The following ATP10B variants were observed in gnomAD, a reference collection of about 807,000 sequenced individuals.
ATP10B encodes phospholipid-transporting ATPase VB.
A neutral mutation model predicts 141.2 loss-of-function variants in ATP10B; 122 were observed. The observed-to-expected ratio is 0.86, with a 90% confidence interval of 0.75 to 1.00. ATP10B has a LOEUF of 1.00. Among genes scored for constraint, ATP10B ranks in the 50% least tolerant of loss-of-function variants. The pLI is 0.00. For synonymous variants in ATP10B, 685 were observed against 692.0 expected, an observed-to-expected ratio of 0.99 and a Z score of 0.16; for missense variants, 1,876 against 1,825.3, an observed-to-expected ratio of 1.03 and a Z score of -0.51.
the ATP10B span, among the ~76,000 whole-genome samples, chr5:160,905,996 C>T: frequency 6.6e-6 from 1 of 152,114 alleles, no homozygotes; most frequent in Non-Finnish European, 1.5e-5. Context: ...CCTGCCAATG[C>T]CCTTTTTCCA....
intron 2 of ATP10B, among the ~76,000 whole-genome samples, chr5:160,761,045 C>T (rs1768992820): frequency 6.6e-6 from 1 of 152,166 alleles, no homozygotes; most frequent in African/African-American, 2.4e-5. Flanking sequence ...ATTATATCCC[C>T]CTTCTACTAC....
At chr5:160,872,849 T>C in the ATP10B span, among the ~76,000 whole-genome samples, 4 of 152,218 alleles carry the variant, frequency 2.6e-5, no homozygotes, top group Non-Finnish European at 5.9e-5. Context: ...TTGCTTTGAC[T>C]ATGCGGTCTT....
chr5:160,850,085 A>T (rs1199803128), intron 1 of ATP10B, among the ~76,000 whole-genome samples: 4 of 152,090 alleles, frequency 2.6e-5, no homozygotes, highest in Non-Finnish European at 4.4e-5. Context: ...CTGACATGGC[A>T]GAAGCTGTTT....
At chr5:160,669,398 A>C (rs1391347153) in intron 7 of ATP10B, among the ~76,000 whole-genome samples, 2 of 152,164 alleles carry the variant, frequency 1.3e-5, no homozygotes, top group African/African-American at 4.8e-5. Flanking sequence ...AGAGGACGGT[A>C]ACTTGCCCAA....
chr5:160,733,983 C>T (rs1766932596), intron 2 of ATP10B, among the ~76,000 whole-genome samples: 1 of 150,806 alleles, frequency 6.6e-6, no homozygotes, highest in South Asian at 2.1e-4. Context: ...TGGTGCATGC[C>T]TGTAGTCCCA....
Position 160,785,555 on chromosome 5 carries a change from G to C in ATP10B, c.-331+4C>G. 1 of 665,412 alleles carries C rather than the reference G, an allele frequency of 1.5e-6. No homozygotes were observed. Among genetic ancestry groups the C allele is most frequent in the Non-Finnish European group, 2.4e-6 (1 of 419,010 alleles). The allele number at this position is 665,412 out of a possible 1,614,324, so 41.2% of individuals were successfully genotyped here. A position where few individuals can be genotyped will look rare whatever the true frequency, so the allele number is the denominator to read the frequency against. The stretch of plus-strand genomic sequence containing the variant: ...CCCCACTGCCCAAGAAGTAAAGATA[G>C]TACCTGATAGGTAGATTTCAAGTCT... On this transcript the variant is annotated splice_donor_region_variant and intron_variant, in intron 2 of 25. Coordinates refer to ENST00000327245, the MANE Select transcript of ATP10B (RefSeq NM_025153.3).
At chr5:160,761,357 T>C (rs911140066) in intron 2 of ATP10B, among the ~76,000 whole-genome samples, 8 of 152,154 alleles carry the variant, frequency 5.3e-5, no homozygotes, top group Admixed American at 6.5e-5. Context: ...GACCTGAAGA[T>C]GGATCACATC....
At chr5:160,809,621 A>G (rs143312204) in intron 1 of ATP10B, among the ~76,000 whole-genome samples, 27 of 152,334 alleles carry the variant, frequency 1.8e-4, no homozygotes, top group African/African-American at 6.5e-4. Flanking sequence ...ACGGTGCTAT[A>G]GAATATTGAA....
At chr5:160,867,556 A>G in the ATP10B span, among the ~76,000 whole-genome samples, 1 of 152,132 alleles carries the variant, frequency 6.6e-6, no homozygotes, top group African/African-American at 2.4e-5. Context: ...AAATTGTACA[A>G]ATCTAATGAT....
In ATP10B at chr5:160,588,654, A is replaced by G. The variant is rs75430845; in HGVS notation, c.3750+938T>C. Among the ~76,000 whole-genome samples, 684 of 152,296 alleles carry G rather than the reference A, an allele frequency of 4.5e-3. 5 individuals are homozygous for G. The highest frequency in any genetic ancestry group is 0.041 in the East Asian group (212 of 5,170). ...TCTTAAACTGCTTGGGGGCAAGTTA[A>G]ACCTTATTGCATCTGCCATATTTCT... On this transcript the variant is annotated intron_variant, in intron 24 of 25. Transcript: ENST00000327245.
chr5:160,806,883 A>G (rs904646584), intron 1 of ATP10B, among the ~76,000 whole-genome samples: 6 of 152,200 alleles, frequency 3.9e-5, no homozygotes, highest in Non-Finnish European at 8.8e-5. Flanking sequence ...GCAGATGTTT[A>G]TGGCAACAGA....
chr5:160,612,701 C>A, intron 18 of ATP10B, 40 bp downstream of exon 18: 2 of 1,543,596 alleles, frequency 1.3e-6, no homozygotes, highest in East Asian at 2.3e-5. Flanking sequence ...TTGCTCTACA[C>A]GTTGATATCT....
chr5:160,735,203 A>T (rs1352974766), intron 2 of ATP10B, among the ~76,000 whole-genome samples: 1 of 151,822 alleles, frequency 6.6e-6, no homozygotes, highest in Non-Finnish European at 1.5e-5. Context: ...TAATCAAAAA[A>T]CATACAGGGC....
At chr5:160,867,596 T>C in the ATP10B span, among the ~76,000 whole-genome samples, 1 of 152,130 alleles carries the variant, frequency 6.6e-6, no homozygotes, top group Non-Finnish European at 1.5e-5. Flanking sequence ...AAGATAAGCA[T>C]GTATCCATAT....
chr5:160,790,552 C>G (rs369093082), intron 1 of ATP10B, among the ~76,000 whole-genome samples: 9 of 152,082 alleles, frequency 5.9e-5, no homozygotes, highest in African/African-American at 2.2e-4. Flanking sequence ...CTGCTTTATT[C>G]CTGAGAATTA....
chr5:160,652,935 A>T (rs1760957289), intron 7 of ATP10B, among the ~76,000 whole-genome samples: 1 of 85,532 alleles, frequency 1.2e-5, no homozygotes, highest in Admixed American at 1.8e-4. Flanking sequence ...TATTATATAT[A>T]CATGTATATA....
chr5:160,849,784 C>A (rs577248482), intron 1 of ATP10B, among the ~76,000 whole-genome samples: 1 of 152,100 alleles, frequency 6.6e-6, no homozygotes, highest in East Asian at 1.9e-4. Context: ...ATTCTGACTA[C>A]CCAACTTCAT....
At chr5:160,889,806 G>C in the ATP10B span, among the ~76,000 whole-genome samples, 2 of 152,146 alleles carry the variant, frequency 1.3e-5, no homozygotes, top group African/African-American at 4.8e-5. Context: ...CGTGGACCCA[G>C]GCTGCCTTTC....
Position 160,760,520 on chromosome 5 carries a change from G to A in ATP10B, c.-331+25039C>T, listed in dbSNP as rs534945566. On this transcript the variant is annotated intron_variant, in intron 2 of 25. Transcript: ENST00000327245. ...CTAAGAAATTTTGGCAGCTGAATTA[G>A]GATTGCCAAATTTTTTACTTTTCCA... Among the ~76,000 whole-genome samples the A allele has an allele frequency of 2.6e-5, 4 of 152,182 alleles. No individual in the cohort carries two copies. In the South Asian group the frequency reaches 8.3e-4, roughly 32 times the overall value.
Sources: gnomAD v4.1 joint callset for allele counts (sites outside exome capture counted in the v4.1 genomes callset) on GRCh38, gnomAD v4.1.1 for gene constraint, MANE v1.5 for transcripts, NCBI Gene and HGNC (gene_info 2026-07-23, HGNC 2026-07-21) for gene names.